The following CHIC2 variants were observed in gnomAD, a reference collection of about 807,000 sequenced individuals.
CHIC2 encodes cysteine-rich hydrophobic domain-containing protein 2.
In CHIC2, 14 loss-of-function variants were observed where a neutral mutation model predicts 25.9. The observed-to-expected ratio is 0.54, with a 90% CI of 0.36 to 0.85. CHIC2 has a LOEUF of 0.85. Among genes scored for constraint, CHIC2 ranks in the 40% least tolerant of loss-of-function variants. The pLI is 0.01. For synonymous variants in CHIC2, 70 were observed against 72.0 expected (o/e 0.97, Z 0.14); for missense variants, 146 against 202.0 (o/e 0.72, Z 1.68).
At chr4:54,090,758 C>T in the CHIC2 span, among the ~76,000 whole-genome samples, 1 of 152,136 alleles carries the variant, frequency 6.6e-6, no homozygotes, top group Non-Finnish European at 1.5e-5. Flanking sequence ...ACCTCCTAAA[C>T]CCAATCCCAA....
At chr4:54,056,858 T>C (rs1452655987) in intron 1 of CHIC2, among the ~76,000 whole-genome samples, 3 of 152,166 alleles carry the variant, frequency 2.0e-5, no homozygotes, top group Non-Finnish European at 4.4e-5. Flanking sequence ...GGCTGTCACA[T>C]ACTACACACC....
At chr4:54,076,771 G>A in the CHIC2 span, 3 of 152,238 alleles carry the variant, frequency 2.0e-5, no homozygotes, top group African/African-American at 7.2e-5. Flanking sequence ...GATATATGTA[G>A]ATTTCTACAG....
intron 3 of CHIC2, among the ~76,000 whole-genome samples, chr4:54,030,922 G>A (rs959957054): frequency 1.3e-5 from 2 of 148,670 alleles, no homozygotes; most frequent in African/African-American, 5.0e-5. Context: ...CGTCTAGGCT[G>A]GAGTGCAGTG....
chr4:54,065,469 G>A (rs1369323153), upstream of CHIC2, among the ~76,000 whole-genome samples: 1 of 152,062 alleles, frequency 6.6e-6, no homozygotes, highest in African/African-American at 2.4e-5. Context: ...AGGAAGAAAA[G>A]GAGGCAGGAA....
At chr4:54,088,644 C>T in the CHIC2 span, among the ~76,000 whole-genome samples, 1 of 152,104 alleles carries the variant, frequency 6.6e-6, no homozygotes, top group Admixed American at 6.6e-5. Context: ...TCATGGAGGG[C>T]CTTTTGTTCT....
chr4:54,044,630 T>G (rs1454141052), intron 3 of CHIC2, among the ~76,000 whole-genome samples: 5 of 152,042 alleles, frequency 3.3e-5, no homozygotes, highest in Non-Finnish European at 7.4e-5. Context: ...CCAGAATCTC[T>G]GGGACACATT....
chr4:54,087,492 A>T, the CHIC2 span: 131 of 931,344 alleles, frequency 1.4e-4, no homozygotes, highest in Non-Finnish European at 1.9e-4. Flanking sequence ...GAATATTTCG[A>T]CGTGATGTTA....
chr4:54,044,677 T>C (rs1203239356), intron 3 of CHIC2, among the ~76,000 whole-genome samples: 2 of 151,562 alleles, frequency 1.3e-5, no homozygotes, highest in Non-Finnish European at 2.9e-5. Flanking sequence ...TAGCACTAAA[T>C]ACCCACAAGA....
chr4:54,057,370 A>G (rs1469501081), intron 1 of CHIC2, among the ~76,000 whole-genome samples: 1 of 152,056 alleles, frequency 6.6e-6, no homozygotes, highest in African/African-American at 2.4e-5. Flanking sequence ...CCCTTTGTTC[A>G]CTATATTCTA....
intron 1 of CHIC2, among the ~76,000 whole-genome samples, chr4:54,053,591 T>C (rs1717076153): frequency 6.6e-6 from 1 of 151,946 alleles, no homozygotes; most frequent in African/African-American, 2.4e-5. Flanking sequence ...TTCCTACCCT[T>C]TGACCCAGTA....
the CHIC2 span, among the ~76,000 whole-genome samples, chr4:54,080,870 A>G: frequency 2.0e-5 from 3 of 149,256 alleles, no homozygotes; most frequent in African/African-American, 4.9e-5. Flanking sequence ...TTCTCACCAC[A>G]CATGGTAACT....
At chr4:54,023,965 G>T (rs1715982383) in intron 3 of CHIC2, among the ~76,000 whole-genome samples, 1 of 152,192 alleles carries the variant, frequency 6.6e-6, no homozygotes, top group African/African-American at 2.4e-5. Context: ...GTCATTCACT[G>T]CAAGCAAGGG....
the CHIC2 span, among the ~76,000 whole-genome samples, chr4:54,070,483 C>T: frequency 6.6e-6 from 1 of 152,040 alleles, no homozygotes; most frequent in African/African-American, 2.4e-5. Flanking sequence ...AGTGCAATGG[C>T]ACAATCTCGG....
chr4:54,037,074 A>C (rs1342463969), intron 3 of CHIC2, among the ~76,000 whole-genome samples: 1 of 152,144 alleles, frequency 6.6e-6, no homozygotes, highest in Non-Finnish European at 1.5e-5. Context: ...AGTAAAAGAA[A>C]AAGGGGCTGG....
chr4:54,043,192 C>T (rs1016860411), intron 3 of CHIC2, among the ~76,000 whole-genome samples: 25 of 151,982 alleles, frequency 1.6e-4, no homozygotes, highest in Non-Finnish European at 2.4e-4. Context: ...GAGGCCGAGG[C>T]GGATGGATCA....
chr4:54,064,441 C>T lies in CHIC2; in HGVS notation c.-141G>A. ...CCGCGGAGTTCGCTGTCGGCTGTCT[C>T]GGCTCCGGCTACAGAGGGGATGGGG... On this transcript the variant is annotated 5_prime_UTR_variant, in exon 1 of 6. Transcript: ENST00000263921. This position sits in a 1 kb window ranked among gnomAD's most constrained non-coding sequence, Gnocchi z 4.2. The T allele has an allele frequency of 6.6e-7, 1 of 1,504,966 alleles. No individual in the cohort carries two copies. Among genetic ancestry groups the T allele is most frequent in the Admixed American group, 2.5e-5 (1 of 40,430 alleles). 93.2% of individuals were successfully genotyped at this position (1,504,966 alleles called of 1,614,324 possible). A position where few individuals can be genotyped will look rare whatever the true frequency, so the allele number is the denominator to read the frequency against.
chr4:54,082,189 T>C, the CHIC2 span, among the ~76,000 whole-genome samples: 1 of 152,244 alleles, frequency 6.6e-6, no homozygotes, highest in African/African-American at 2.4e-5. Flanking sequence ...TCCATCTACA[T>C]GGATCTCAAA....
Position 54,034,577 on chromosome 4 carries a change from T to TTTATTTTTTA in CHIC2, c.330+14377_330+14378insTAAAAAATAA, listed in dbSNP as rs1560388290. ...GCATTTTTATGCTACTTAAAAATTG[T>TTTATTTTTTA]TTTTCATTTTAATTTTTTATTTTTT... On this transcript the variant is annotated intron_variant, in intron 3 of 5. Transcript: ENST00000263921. Among the ~76,000 whole-genome samples the TTTATTTTTTA allele has an allele frequency of 1.1e-3, 167 of 152,290 alleles. 1 individual carries two copies. The South Asian group carries it at 0.019, about 18-fold the overall frequency.
At chr4:54,087,389 G>T in the CHIC2 span, 1 of 567,536 alleles carries the variant, frequency 1.8e-6, no homozygotes, top group Non-Finnish European at 3.1e-6. Context: ...AAATGTAGAT[G>T]CAATTCTAAA....
Sources: gnomAD v4.1 joint callset for allele counts (sites outside exome capture counted in the v4.1 genomes callset) on GRCh38, gnomAD v4.1.1 for gene constraint, Gnocchi (gnomAD v3.1) non-coding constraint, MANE v1.5 for transcripts, NCBI Gene and HGNC (gene_info 2026-07-23, HGNC 2026-07-21) for gene names.